The following ZNF385A variants were observed in gnomAD, a reference collection of about 807,000 sequenced individuals.
ZNF385A encodes hematopoietic zinc finger protein.
ZNF385A carries 14 observed loss-of-function variants against 32.1 expected under a neutral mutation model. That is an observed-to-expected ratio of 0.44 (90% CI 0.29 to 0.68). ZNF385A has a LOEUF of 0.68. Among genes scored for constraint, ZNF385A ranks in the 30% least tolerant of loss-of-function variants. ZNF385A has a pLI of 0.14. For synonymous variants in ZNF385A, 197 were observed against 202.7 expected (o/e 0.97, Z 0.24); for missense variants, 406 against 478.4 (o/e 0.85, Z 1.41).
Position 54,373,990 on chromosome 12 carries a change from C to A in ZNF385A, c.344G>T (p.Gly115Val), listed in dbSNP as rs925815291. 6.4e-7 allele frequency: 1 copy of A among 1,568,662 alleles called. No homozygotes were observed. Among genetic ancestry groups the A allele is most frequent in the Non-Finnish European group, 8.7e-7 (1 of 1,154,990 alleles). ...AGACACACCTGGACGGGGTGCTACA[C>A]CATCCCCATTTGTTGGGGTGCTGCC... ...PPGSTPTNGDGVAPRPVSMEN... is the reference protein window; with the variant it reads ...PPGSTPTNGDVVAPRPVSMEN... Residue 115 changes from glycine to valine, a missense_variant, in exon 3 of 7, where the codon GGT becomes GTT. Gly to Val is a moderately radical substitution (Grantham distance 109, BLOSUM62 -3). Transcript: ENST00000394313.
intron 1 of ZNF385A, among the ~76,000 whole-genome samples, chr12:54,379,777 A>G (rs887142071): frequency 1.3e-5 from 2 of 151,534 alleles, no homozygotes; most frequent in African/African-American, 4.9e-5. Flanking sequence ...CCCACCTCCT[A>G]CCCGCGCCCG....
Position 54,370,311 on chromosome 12 carries a change from G to C in ZNF385A, c.1046C>G (p.Pro349Arg), listed in dbSNP as rs879656920. 6.7e-7 allele frequency: 1 copy of C among 1,490,798 alleles called. No homozygotes were observed. Among genetic ancestry groups the C allele is most frequent in the Non-Finnish European group, 8.9e-7 (1 of 1,119,628 alleles). 92.3% of individuals were successfully genotyped at this position (1,490,798 alleles called of 1,614,324 possible). A position where few individuals can be genotyped will look rare whatever the true frequency, so the allele number is the denominator to read the frequency against. The change falls in exon 7 of 7, where the codon CCG becomes CGG. Residue 349 changes from proline (P) to arginine (R), a missense_variant. Physicochemically the swap from Pro to Arg is moderately radical, Grantham distance 103. Transcript: ENST00000394313. This position sits in a 1 kb window ranked among gnomAD's most constrained non-coding sequence, Gnocchi z 5.5. ...CGCAGTTCGGATGGGTCCGGGGGCC[G>C]GGTGAAGCAGAGGGTGAGTGATCGG... is the stretch of plus-strand genomic sequence containing the variant. ...GPPITHPLLH[P>R]APGPIRTAHG... is the part of the protein sequence containing the mutation.
chr12:54,384,013 T>C (rs1592266537), intron 1 of ZNF385A, among the ~76,000 whole-genome samples: 1 of 152,346 alleles, frequency 6.6e-6, no homozygotes, highest in East Asian at 1.9e-4. Context: ...CACCCAGCCG[T>C]GGACTGCAGA....
chr12:54,377,506 T>TGTGC (rs1242339057), intron 1 of ZNF385A, among the ~76,000 whole-genome samples: 1 of 152,212 alleles, frequency 6.6e-6, no homozygotes, highest in Non-Finnish European at 1.5e-5. Context: ...TGTCATGTAC[T>TGTGC]GTGCGTACAT....
At chr12:54,379,272 C>T in intron 1 of ZNF385A, 1 of 875,258 alleles carries the variant, frequency 1.1e-6, no homozygotes, top group Non-Finnish European at 1.4e-6. Context: ...AGGACGGGGG[C>T]GGGGACAGGG....
In ZNF385A at chr12:54,375,830, G is replaced by A. The variant is rs1258283288; in HGVS notation, c.198+14C>T. ...GCCCCACCCACTGGGTAGATGAGCA[G>A]CTTGGCTTCTTACCTGAGAATTGAA... On this transcript the variant is annotated intron_variant, in intron 2 of 6. Transcript: ENST00000394313. 3 of 1,612,004 alleles carry A rather than the reference G, an allele frequency of 1.9e-6. No homozygotes were observed. The highest frequency in any genetic ancestry group is 1.1e-5 in the South Asian group (1 of 91,052).
chr12:54,370,498 G>GA lies in ZNF385A; in HGVS notation c.871-13dup. 6.4e-7 allele frequency: 1 copy of GA among 1,551,116 alleles called. No homozygotes were observed. The highest frequency in any genetic ancestry group is 8.7e-7 in the Non-Finnish European group (1 of 1,146,822). ...AAAGTCAGCGTGCCCTGAAGCGGGC[G>GA]AAAGGCGGAGGAAGAGAAGTCACCC... On this transcript the variant is annotated splice_polypyrimidine_tract_variant and intron_variant, in intron 6 of 6. Coordinates refer to ENST00000394313, the MANE Select transcript of ZNF385A (RefSeq NM_015481.3). This position sits in a 1 kb window ranked among gnomAD's most constrained non-coding sequence, Gnocchi z 5.5.
intron 1 of ZNF385A, among the ~76,000 whole-genome samples, chr12:54,383,501 CCTAA>C (rs1452276103): frequency 6.6e-6 from 1 of 152,232 alleles, no homozygotes; most frequent in Non-Finnish European, 1.5e-5. Context: ...AGGACAGCCT[CCTAA>C]CTGTCACCTT....
chr12:54,385,025 G>T, upstream of ZNF385A: 1 of 452,314 alleles, frequency 2.2e-6, no homozygotes, highest in Non-Finnish European at 2.9e-6. Context: ...GGGGGATATT[G>T]AGACTTAGAT....
upstream of ZNF385A, among the ~76,000 whole-genome samples, chr12:54,388,919 A>G (rs1432927189): frequency 6.6e-6 from 1 of 152,178 alleles, no homozygotes; most frequent in Non-Finnish European, 1.5e-5. Context: ...CTTTGAAGTC[A>G]AAGATGAAAG....
At chr12:54,380,876 A>G (rs556614020) in intron 1 of ZNF385A, among the ~76,000 whole-genome samples, 1 of 152,302 alleles carries the variant, frequency 6.6e-6, no homozygotes, top group East Asian at 1.9e-4. Flanking sequence ...CAGCCTGGGC[A>G]ACATGGCGAA....
chr12:54,391,035 G>A (rs188720536), intron 1 of ZNF385A, among the ~76,000 whole-genome samples: 88 of 152,138 alleles, frequency 5.8e-4, no homozygotes, highest in African/African-American at 2.0e-3. Context: ...TAAATTACCC[G>A]GAGCAGCGGC....
At chr12:54,388,046 AGTGTGTGTGTGT>A (rs10665764), upstream of ZNF385A, among the ~76,000 whole-genome samples, 15 of 140,534 alleles carry the variant, frequency 1.1e-4, no homozygotes, top group South Asian at 1.8e-3. Flanking sequence ...AGTGTGTGTA[AGTGTGTGTGTGT>A]GTGTGTGTGT....
Position 54,371,495 on chromosome 12 carries a change from G to C in ZNF385A, c.582C>G (p.Ser194=). 1 of 1,609,768 alleles carries C rather than the reference G, an allele frequency of 6.2e-7. No individual in the cohort carries two copies. The highest frequency in any genetic ancestry group is 8.5e-7 in the Non-Finnish European group (1 of 1,178,314). ...TACCTTTGTTATGTGCCTCAAGCTG[G>C]GACAGGGAGTTCACAGCCACCTTGC... ...ALCKVAVNSL[S]QLEAHNKGTK... The change falls in exon 4 of 7, where the codon TCC becomes TCG. Residue 194 remains serine (S), a synonymous_variant. Transcript: ENST00000394313.
intron 1 of ZNF385A, among the ~76,000 whole-genome samples, chr12:54,390,865 C>A (rs1955620906): frequency 6.6e-6 from 1 of 151,830 alleles, no homozygotes; most frequent in African/African-American, 2.4e-5. Context: ...GGGCGGGAGA[C>A]GGGTCAGAAC....
At chr12:54,381,822 A>G (rs1955195940) in intron 1 of ZNF385A, among the ~76,000 whole-genome samples, 1 of 152,180 alleles carries the variant, frequency 6.6e-6, no homozygotes, top group Non-Finnish European at 1.5e-5. Context: ...TTTTCTGCCT[A>G]ACTCTGGTTG....
Position 54,371,178 on chromosome 12 carries a change from G to T in ZNF385A, c.605-82C>A, listed in dbSNP as rs2244933. On this transcript the variant is annotated intron_variant, in intron 4 of 6. Coordinates refer to ENST00000394313, the MANE Select transcript of ZNF385A (RefSeq NM_015481.3). ...TGGGCCTCAGAATGCACATTCCCAG[G>T]TACAATATGAGGGGGAAGAGGGTGG... 0.8 allele frequency: 1,169,585 copies of T among 1,459,200 alleles called. 471,808 individuals carry two copies. The highest frequency in any genetic ancestry group is 0.86 in the Middle Eastern group (4,732 of 5,498). 90.4% of individuals were successfully genotyped at this position (1,459,200 alleles called of 1,614,324 possible).
chr12:54,371,605 C>T lies in ZNF385A; in HGVS notation c.472G>A (p.Gly158Arg). Residue 158 changes from glycine to arginine, a missense_variant, in exon 4 of 7, where the codon GGG becomes AGG. By Grantham distance (125) the Gly-to-Arg change is moderately radical (BLOSUM62 -2). Coordinates refer to ENST00000394313, the MANE Select transcript of ZNF385A (RefSeq NM_015481.3). Reference sequence around the variant, plus strand: ...AAGGAAGCCGGGGCTGGAGTCCCCCCTTCACCCTTGGTTACACCCTGACCA... The same window carrying T: ...AAGGAAGCCGGGGCTGGAGTCCCCCTTTCACCCTTGGTTACACCCTGACCA... The part of the protein sequence containing the change: ...ETGQGVTKGE[G>R]GTPAPASLPG... The T allele has an allele frequency of 6.2e-7, 1 of 1,613,436 alleles. No homozygotes were observed. Among genetic ancestry groups the T allele is most frequent in the Non-Finnish European group, 8.5e-7 (1 of 1,179,718 alleles).
intron 1 of ZNF385A, among the ~76,000 whole-genome samples, chr12:54,376,271 T>C (rs967499868): frequency 6.6e-6 from 1 of 152,144 alleles, no homozygotes; most frequent in Admixed American, 6.5e-5. Context: ...ACCATGAACA[T>C]ACAACTGTGT....
Sources: allele counts gnomAD v4.1 joint callset (sites outside exome capture counted in the v4.1 genomes callset), GRCh38; gene constraint gnomAD v4.1.1; non-coding constraint Gnocchi (gnomAD v3.1); transcripts MANE v1.5; gene names NCBI Gene and HGNC (gene_info 2026-07-23, HGNC 2026-07-21).